Variants in PTPRA observed in about 807,000 individuals in gnomAD.
PTPRA encodes receptor-type tyrosine-protein phosphatase alpha.
Under a neutral mutation model 104.8 loss-of-function variants are expected in PTPRA, and 25 were observed. The observed-to-expected ratio is 0.24, with a 90% CI of 0.17 to 0.33. The LOEUF (loss-of-function observed/expected upper bound fraction) is 0.33, where lower values mean the gene tolerates loss of function less well. Ranked by LOEUF, PTPRA falls within the 10% of genes least tolerant of loss-of-function variation. The pLI is 1.00. For synonymous variants in PTPRA, 323 were observed against 368.9 expected (o/e 0.88, Z 1.43); for missense variants, 765 against 1,015.3 (o/e 0.75, Z 3.35).
At chr20:2,971,588 G>T (rs993964830) in intron 5 of PTPRA, among the ~76,000 whole-genome samples, 20 of 152,158 alleles carry the variant, frequency 1.3e-4, no homozygotes, top group African/African-American at 4.6e-4. Flanking sequence ...AAGTTAAGCA[G>T]CTGGTAAATG....
chr20:3,026,182 C>T (rs986742582), intron 17 of PTPRA, among the ~76,000 whole-genome samples: 1 of 151,878 alleles, frequency 6.6e-6, no homozygotes, highest in African/African-American at 2.4e-5. Context: ...AGTTGATTGC[C>T]CACCTTGGCC....
At chr20:2,952,118 CA>C (rs1568666754) in intron 3 of PTPRA, among the ~76,000 whole-genome samples, 1 of 139,052 alleles carries the variant, frequency 7.2e-6, no homozygotes, top group Non-Finnish European at 1.6e-5. Flanking sequence ...GACTCCATCT[CA>C]AAAAAAGAAA....
At chr20:2,915,994 T>C (rs2059891582) in intron 1 of PTPRA, among the ~76,000 whole-genome samples, 1 of 152,212 alleles carries the variant, frequency 6.6e-6, no homozygotes, top group East Asian at 1.9e-4. Flanking sequence ...ATAACAATAA[T>C]TTTATAGTTG....
intron 1 of PTPRA, among the ~76,000 whole-genome samples, chr20:2,914,475 G>A (rs1454491194): frequency 2.6e-5 from 4 of 151,514 alleles, no homozygotes; most frequent in Non-Finnish European, 5.9e-5. Flanking sequence ...GTGTGTGTGT[G>A]TGTGTACTGT....
rs28844891 is a variant in PTPRA, at chr20:2,910,174, G to C, written c.-128-13033G>C. On this transcript the variant is annotated intron_variant, in intron 1 of 23. Coordinates refer to ENST00000399903, the MANE Select transcript of PTPRA (RefSeq NM_001385305.1). ...TACTATACGTCATATATAATATGAC[G>C]TATAGTATATATGATATATGATATA... is the stretch of plus-strand genomic sequence containing the variant. Among the ~76,000 whole-genome samples, 501 of 101,110 alleles carry C rather than the reference G, an allele frequency of 5.0e-3. 4 individuals carry two copies. Among genetic ancestry groups the C allele is most frequent in the Non-Finnish European group, 8.4e-3 (444 of 53,044 alleles). 66.3% of individuals were successfully genotyped at this position (101,110 alleles called of 152,430 possible). A position where few individuals can be genotyped will look rare whatever the true frequency, so the allele number is the denominator to read the frequency against.
chr20:2,954,319 T>C (rs2061460671), intron 3 of PTPRA, among the ~76,000 whole-genome samples: 1 of 152,146 alleles, frequency 6.6e-6, no homozygotes, highest in Admixed American at 6.5e-5. Context: ...CCTCAGGTGA[T>C]CCACCCACCT....
At chr20:2,944,302 A>G (rs1189461197) in intron 2 of PTPRA, among the ~76,000 whole-genome samples, 3 of 152,096 alleles carry the variant, frequency 2.0e-5, no homozygotes, top group African/African-American at 4.8e-5. Flanking sequence ...TCGGCCTCCC[A>G]AAGTGCTGGG....
intron 1 of PTPRA, among the ~76,000 whole-genome samples, chr20:2,881,117 G>A (rs1418151637): frequency 2.6e-5 from 4 of 151,836 alleles, no homozygotes; most frequent in Admixed American, 6.6e-5. Context: ...GACCATCCTG[G>A]CCAACACAGT....
chr20:2,985,738 T>TA (rs2062872013), intron 6 of PTPRA, among the ~76,000 whole-genome samples: 1 of 152,178 alleles, frequency 6.6e-6, no homozygotes, highest in Admixed American at 6.5e-5. Flanking sequence ...GCAGTTTTGT[T>TA]ACATGGTGGC....
chr20:3,026,528 AG>A (rs1173133070), intron 17 of PTPRA, among the ~76,000 whole-genome samples, 158 bp from the exon 18 acceptor site: 4 of 152,146 alleles, frequency 2.6e-5, no homozygotes, highest in Non-Finnish European at 5.9e-5. Flanking sequence ...TCTTGGCTTC[AG>A]GGTTCCAGCT....
chr20:3,028,623 T>C (rs1275926255), intron 20 of PTPRA, among the ~76,000 whole-genome samples: 1 of 152,202 alleles, frequency 6.6e-6, no homozygotes, highest in Admixed American at 6.5e-5. Flanking sequence ...ATTATTTCTG[T>C]TGAGGTTGCA....
chr20:2,901,335 A>G (rs966857113), intron 1 of PTPRA, among the ~76,000 whole-genome samples: 3 of 151,736 alleles, frequency 2.0e-5, no homozygotes, highest in African/African-American at 7.3e-5. Flanking sequence ...CAGCTTTTAC[A>G]TTTCCCTCTG....
intron 2 of PTPRA, among the ~76,000 whole-genome samples, chr20:2,932,330 A>G (rs893132908): frequency 2.6e-5 from 4 of 152,218 alleles, no homozygotes; most frequent in African/African-American, 9.6e-5. Context: ...AGAGGTGGAA[A>G]GTGAGGAAAT....
chr20:2,976,172 C>T (rs2062423726), intron 6 of PTPRA, among the ~76,000 whole-genome samples: 1 of 152,168 alleles, frequency 6.6e-6, no homozygotes, highest in Non-Finnish European at 1.5e-5. Context: ...CTCACTTTTC[C>T]ACCTCTCACT....
intron 2 of PTPRA, among the ~76,000 whole-genome samples, chr20:2,932,326 G>GGAAAGTGAGGAAA (rs1386565375): frequency 6.6e-6 from 1 of 152,126 alleles, no homozygotes; most frequent in Non-Finnish European, 1.5e-5. Flanking sequence ...AAGTAGAGGT[G>GGAAAGTGAGGAAA]GAAAGTGAGG....
the PTPRA span, chr20:2,865,938 C>T: frequency 4.2e-5 from 21 of 505,252 alleles, no homozygotes; most frequent in Non-Finnish European, 6.4e-5. This position sits in a 1 kb window ranked among gnomAD's most constrained non-coding sequence, Gnocchi z 5.2. Flanking sequence ...GTGGCAGGAA[C>T]GCCTGTTGCA....
intron 20 of PTPRA, among the ~76,000 whole-genome samples, chr20:3,029,463 A>G (rs62207205): frequency 6.7e-6 from 1 of 149,164 alleles, no homozygotes; most frequent in Non-Finnish European, 1.5e-5. Context: ...TTGATCAGTC[A>G]TTTAACTCAT....
chr20:2,930,446 A>G (rs984092462), intron 2 of PTPRA, among the ~76,000 whole-genome samples: 4 of 152,214 alleles, frequency 2.6e-5, no homozygotes, highest in Non-Finnish European at 4.4e-5. Context: ...TTGGGGACCC[A>G]TATTAATTTC....
intron 6 of PTPRA, among the ~76,000 whole-genome samples, chr20:2,983,399 G>A (rs941943892): frequency 5.9e-5 from 9 of 152,028 alleles, no homozygotes; most frequent in African/African-American, 2.2e-4. Flanking sequence ...TCATTCTGAG[G>A]CATGAGAAAC....
Sources: allele counts gnomAD v4.1 joint callset (sites outside exome capture counted in the v4.1 genomes callset), GRCh38; gene constraint gnomAD v4.1.1; non-coding constraint Gnocchi (gnomAD v3.1); transcripts MANE v1.5; gene names NCBI Gene and HGNC (gene_info 2026-07-23, HGNC 2026-07-21).